EFNA5: variants seen among roughly 807,000 people sequenced by gnomAD.
EFNA5 encodes ephrin-A5.
A neutral mutation model predicts 22.9 loss-of-function variants in EFNA5; 5 were observed. That is an observed-to-expected ratio of 0.22 (90% confidence interval 0.11 to 0.46). The LOEUF is 0.46. EFNA5 is among the 20% of genes least tolerant of loss of function. The probability of loss-of-function intolerance (pLI) is 0.99; values close to 1 mark genes in which losing one functional copy is unlikely to be tolerated. For synonymous variants in EFNA5, 113 were observed against 112.2 expected, an observed-to-expected ratio of 1.01 and a Z score of -0.04; for missense variants, 237 against 293.3, an observed-to-expected ratio of 0.81 and a Z score of 1.40.
chr5:107,465,756 T>C (rs1417382177), intron 1 of EFNA5, among the ~76,000 whole-genome samples: 1 of 152,066 alleles, frequency 6.6e-6, no homozygotes, highest in Admixed American at 6.6e-5. Flanking sequence ...ATTTTAAATG[T>C]ACTGCCATGG....
chr5:107,448,866 T>TAAATAAAATA (rs74535160), intron 1 of EFNA5, among the ~76,000 whole-genome samples: 18,930 of 140,556 alleles, frequency 0.13, 2,190 homozygotes, highest in African/African-American at 0.3. Context: ...AATAAATAAA[T>TAAATAAAATA]AAATAAAATA....
intron 1 of EFNA5, among the ~76,000 whole-genome samples, chr5:107,522,655 G>A (rs948440541): frequency 2.0e-5 from 3 of 152,020 alleles, no homozygotes; most frequent in African/African-American, 4.8e-5. Flanking sequence ...CCTCCCAAAG[G>A]GTTGGGATTA....
chr5:107,422,416 G>A (rs1361078176), intron 2 of EFNA5, among the ~76,000 whole-genome samples: 1 of 152,218 alleles, frequency 6.6e-6, no homozygotes, highest in Non-Finnish European at 1.5e-5. Flanking sequence ...ATAAAGCACA[G>A]TAAAAGTATA....
chr5:107,654,471 T>C (rs1750787341), intron 1 of EFNA5, among the ~76,000 whole-genome samples: 1 of 152,156 alleles, frequency 6.6e-6, no homozygotes, highest in South Asian at 2.1e-4. Context: ...AAGAAATTCA[T>C]AGTTGTCTGC....
intron 4 of EFNA5, 113 bp from the exon 5 acceptor site, chr5:107,381,489 C>T (rs1747458990): frequency 8.3e-7 from 1 of 1,206,288 alleles, no homozygotes; most frequent in Non-Finnish European, 1.1e-6. Flanking sequence ...GGTAATGAAC[C>T]TTGTGCCACC....
intron 1 of EFNA5, among the ~76,000 whole-genome samples, chr5:107,529,260 T>C (rs935424217): frequency 2.6e-5 from 4 of 152,166 alleles, no homozygotes; most frequent in Admixed American, 6.5e-5. Flanking sequence ...TTTCAAATCA[T>C]TGAGTCCAGT....
At chr5:107,435,673 A>G (rs1749093819) in intron 1 of EFNA5, among the ~76,000 whole-genome samples, 1 of 152,212 alleles carries the variant, frequency 6.6e-6, no homozygotes, top group African/African-American at 2.4e-5. Flanking sequence ...ATATTCCTAG[A>G]GAAGTGAAGG....
At chr5:107,595,904 C>T (rs2112508080) in intron 1 of EFNA5, among the ~76,000 whole-genome samples, 1 of 152,130 alleles carries the variant, frequency 6.6e-6, no homozygotes, top group East Asian at 1.9e-4. Context: ...GATATATAAA[C>T]CTAAAAAAGC....
In EFNA5 at chr5:107,379,355, T is replaced by C. The variant is rs962259028; in HGVS notation, c.*1900A>G. ...TCTAATTCAGAACTACTCACAATTC[T>C]AAGCAAATTCCCATTCACGAAGTCT... On this transcript the variant is annotated 3_prime_UTR_variant, in exon 5 of 5. Transcript: ENST00000333274. The C allele has an allele frequency of 6.6e-6, 1 of 152,164 alleles. No homozygotes were observed. Among genetic ancestry groups the C allele is most frequent in the Middle Eastern group, 3.2e-3 (1 of 316 alleles). 9.4% of individuals were successfully genotyped at this position (152,164 alleles called of 1,614,324 possible). A position where few individuals can be genotyped will look rare whatever the true frequency, so the allele number is the denominator to read the frequency against.
chr5:107,581,773 C>T (rs774590112), intron 1 of EFNA5, among the ~76,000 whole-genome samples: 10 of 152,180 alleles, frequency 6.6e-5, no homozygotes, highest in Non-Finnish European at 1.0e-4. Context: ...CCAAGGAAAA[C>T]AGATCCTTTT....
At chr5:107,544,512 T>C (rs1748109989) in intron 1 of EFNA5, among the ~76,000 whole-genome samples, 2 of 152,288 alleles carry the variant, frequency 1.3e-5, no homozygotes, top group South Asian at 2.1e-4. Context: ...CTGTGAATGA[T>C]ACAAAACTCT....
At chr5:107,505,217 G>GA (rs1364224862) in intron 1 of EFNA5, among the ~76,000 whole-genome samples, 6 of 152,098 alleles carry the variant, frequency 3.9e-5, no homozygotes, top group Non-Finnish European at 8.8e-5. Context: ...ATAACTCTGA[G>GA]AAAAAATGCT....
rs1751186165 is a variant in EFNA5, at chr5:107,670,861, C to G, written c.-248G>C. On this transcript the variant is annotated 5_prime_UTR_variant, in exon 1 of 5. Transcript: ENST00000333274. ...AAACTCGCACCCCCACTGGAGGGTT[C>G]AGGAGGAAAAAGGAATCACAAGATG... The G allele has an allele frequency of 2.0e-6, 1 of 497,308 alleles. No homozygotes were observed. Among genetic ancestry groups the G allele is most frequent in the South Asian group, 2.5e-5 (1 of 40,128 alleles). The allele number at this position is 497,308 out of a possible 1,614,324, so 30.8% of individuals were successfully genotyped here. A position where few individuals can be genotyped will look rare whatever the true frequency, so the allele number is the denominator to read the frequency against.
chr5:107,644,202 T>A (rs1750584045), intron 1 of EFNA5, among the ~76,000 whole-genome samples: 1 of 152,064 alleles, frequency 6.6e-6, no homozygotes, highest in Non-Finnish European at 1.5e-5. Flanking sequence ...CTGGAGACAA[T>A]ACAGGGGATG....
At position 107,445,235 on chromosome 5, in the gene EFNA5, C is replaced by A. The variant is rs146744913; in HGVS notation, c.126-17726G>T. Among the ~76,000 whole-genome samples, 916 of 152,178 alleles carry A rather than the reference C, an allele frequency of 6.0e-3. 12 individuals carry two copies. Among genetic ancestry groups the A allele is most frequent in the African/African-American group, 0.02 (849 of 41,524 alleles). The stretch of plus-strand genomic sequence containing the variant: ...ACAGGGTTTTGCCATGTTGGTCAGG[C>A]TGGTCTTGAACTCCTGACCACAAGT... On this transcript the variant is annotated intron_variant, in intron 1 of 4. Transcript: ENST00000333274.
At chr5:107,637,677 C>A (rs1272197321) in intron 1 of EFNA5, among the ~76,000 whole-genome samples, 1 of 147,418 alleles carries the variant, frequency 6.8e-6, no homozygotes, top group Non-Finnish European at 1.5e-5. Context: ...TATATATATA[C>A]TATATATAAT....
At chr5:107,513,059 G>A (rs566000006) in intron 1 of EFNA5, among the ~76,000 whole-genome samples, 2 of 152,160 alleles carry the variant, frequency 1.3e-5, no homozygotes, top group South Asian at 4.1e-4. Flanking sequence ...ACTCAGGGAT[G>A]GGGCTAGGGG....
chr5:107,630,359 G>T (rs1750224104), intron 1 of EFNA5, among the ~76,000 whole-genome samples: 1 of 152,194 alleles, frequency 6.6e-6, no homozygotes, highest in Non-Finnish European at 1.5e-5. Flanking sequence ...AGGCTATATG[G>T]TATAGCCTAT....
At chr5:107,569,559 T>TTATATA (rs70996962) in intron 1 of EFNA5, among the ~76,000 whole-genome samples, 3,467 of 41,476 alleles carry the variant, frequency 0.084, 139 homozygotes, top group Non-Finnish European at 0.11. Flanking sequence ...ATATATATAT[T>TTATATA]TATATATATA....
Sources: allele counts gnomAD v4.1 joint callset (sites outside exome capture counted in the v4.1 genomes callset), GRCh38; gene constraint gnomAD v4.1.1; transcripts MANE v1.5; gene names NCBI Gene and HGNC (gene_info 2026-07-23, HGNC 2026-07-21).